The following HDLBP variants were observed in gnomAD, a reference collection of about 807,000 sequenced individuals.
HDLBP encodes the protein high density lipoprotein binding protein, also known as vigilin.
In HDLBP, 30 loss-of-function variants were observed where a neutral mutation model predicts 137.3. The ratio of observed to expected loss-of-function variants is 0.22; its 90% CI spans 0.16 to 0.30. The LOEUF (loss-of-function observed/expected upper bound fraction) is 0.30. Among genes scored for constraint, HDLBP ranks in the 10% least tolerant of loss-of-function variants. The pLI, the probability that HDLBP is intolerant of heterozygous loss-of-function variation, is 1.00. For missense variants in HDLBP, 1,119 were observed against 1,667.3 expected (o/e 0.67, Z 5.73); for synonymous variants, 606 against 596.0 (o/e 1.02, Z -0.24).
At chr2:241,236,395 G>T in intron 21 of HDLBP, 1 of 572,716 alleles carries the variant, frequency 1.7e-6, no homozygotes. Context: ...GTCCCAGAAA[G>T]GGGCTATAGA....
rs2071997318 is a variant in HDLBP at position 241,249,966 on chromosome 2, C to G, written c.1387G>C (p.Asp463His). 1 of 1,602,130 alleles carries G rather than the reference C, an allele frequency of 6.2e-7. No homozygotes were observed. Among genetic ancestry groups the G allele is most frequent in the African/African-American group, 1.3e-5 (1 of 74,184 alleles). The change falls in exon 12 of 28, where the codon GAC becomes CAC. Residue 463 changes from aspartate (D) to histidine (H), a missense_variant. Coordinates refer to ENST00000310931, the MANE Select transcript of HDLBP (RefSeq NM_005336.6). ...KSGANINRIK[D>H]QYKVSVRIPP... ...ATGCGCACGGACACCTTGTACTGGTCTTTGATTCTGTTTACTTAGGAACAC... is the reference window on the plus strand; with the variant it reads ...ATGCGCACGGACACCTTGTACTGGTGTTTGATTCTGTTTACTTAGGAACAC...
chr2:241,266,728 G>T, intron 3 of HDLBP, 66 bp downstream of exon 3: 3 of 1,063,656 alleles, frequency 2.8e-6, no homozygotes, highest in East Asian at 2.4e-5. Context: ...CATGGGATTT[G>T]GTAAAGGCTT....
chr2:241,236,251 G>C (rs2070415340), intron 21 of HDLBP: 3 of 300,108 alleles, frequency 1.0e-5, no homozygotes, highest in African/African-American at 2.1e-5. Context: ...CACACAAGGT[G>C]AGCTAGGCCT....
intron 1 of HDLBP, among the ~76,000 whole-genome samples, chr2:241,275,981 TAA>T (rs1384142509): frequency 6.6e-6 from 1 of 151,998 alleles, no homozygotes; most frequent in Non-Finnish European, 1.5e-5. Flanking sequence ...GCAACCTAGA[TAA>T]AGTGAAACAA....
At chr2:241,250,487 C>G (rs3771348) in intron 11 of HDLBP, 5,122 of 153,192 alleles carry the variant, frequency 0.033, 537 homozygotes, top group Admixed American at 0.19. Context: ...ACACTGAGCA[C>G]TTCACTGTGT....
At position 241,230,656 on chromosome 2, in the gene HDLBP, C is replaced by T; in HGVS notation, c.3474+103G>A. Reference sequence around the variant, plus strand: ...CCACTGCCAGCCCTGGGGTTGTGGCCTCATCATCTTGAGGGGAAGGCCATG... The same window carrying T: ...CCACTGCCAGCCCTGGGGTTGTGGCTTCATCATCTTGAGGGGAAGGCCATG... On this transcript the variant is annotated intron_variant, in intron 25 of 27. Coordinates refer to ENST00000310931, the MANE Select transcript of HDLBP (RefSeq NM_005336.6). The surrounding 1 kb of genome is among the most constrained non-coding windows in gnomAD (Gnocchi z 5.0). 6.0e-6 allele frequency: 6 copies of T among 1,002,250 alleles called. No individual in the cohort carries two copies. The highest frequency in any genetic ancestry group is 9.0e-6 in the Non-Finnish European group (6 of 664,748). 62.1% of individuals were successfully genotyped at this position (1,002,250 alleles called of 1,614,324 possible).
chr2:241,252,847 G>C, intron 11 of HDLBP, 110 bp downstream of exon 11: 1 of 654,266 alleles, frequency 1.5e-6, no homozygotes, highest in Non-Finnish European at 2.7e-6. Flanking sequence ...CCCATTACAG[G>C]CAGCAATGGG....
chr2:241,306,454 T>G (rs1026346004), intron 1 of HDLBP, among the ~76,000 whole-genome samples: 1 of 151,940 alleles, frequency 6.6e-6, no homozygotes, highest in African/African-American at 2.4e-5. Flanking sequence ...AGACGGGGCT[T>G]CTCCATGTTG....
intron 5 of HDLBP, among the ~76,000 whole-genome samples, chr2:241,260,904 G>C (rs756989323): frequency 1.4e-4 from 21 of 152,108 alleles, no homozygotes; most frequent in Non-Finnish European, 2.1e-4. Context: ...AAAAAGGGGA[G>C]GATTGGCTGG....
intron 1 of HDLBP, chr2:241,280,149 TGGTCAAAGTCA>T: frequency 1.2e-5 from 12 of 981,284 alleles, no homozygotes; most frequent in Non-Finnish European, 1.5e-5. Context: ...CTGAGTGTGG[TGGTCAAAGTCA>T]GGTCAAAGAA....
chr2:241,233,981 A>C lies in HDLBP; in HGVS notation c.3145-18T>G. ...CTTAAAGCCTACAAATGAAAGGAGCAAGAATGAGGCAAAGATTGAGCTGAT... is the reference window on the plus strand; with the variant it reads ...CTTAAAGCCTACAAATGAAAGGAGCCAGAATGAGGCAAAGATTGAGCTGAT... On this transcript the variant is annotated intron_variant, in intron 23 of 27. Transcript: ENST00000310931. This position sits in a 1 kb window ranked among gnomAD's most constrained non-coding sequence, Gnocchi z 4.3. 6.2e-7 allele frequency: 1 copy of C among 1,613,974 alleles called. No individual in the cohort carries two copies. Among genetic ancestry groups the C allele is most frequent in the Middle Eastern group, 1.7e-4 (1 of 6,056 alleles).
chr2:241,266,115 T>G (rs569247121), intron 3 of HDLBP, among the ~76,000 whole-genome samples: 4 of 152,218 alleles, frequency 2.6e-5, no homozygotes, highest in Admixed American at 6.5e-5. Flanking sequence ...TAAACACAGA[T>G]CAAGGATTTT....
In HDLBP at chr2:241,239,636, G is replaced by A; in HGVS notation, c.2576C>T (p.Ala859Val). ...LKGAKDCVEA[A>V]KKRIQEIIED... ...AATGATCTCCTGAATGCGTTTCTTGGCTGCCTCCACACAGTCCTTGGCGCC... is the reference window on the plus strand; with the variant it reads ...AATGATCTCCTGAATGCGTTTCTTGACTGCCTCCACACAGTCCTTGGCGCC... Residue 859 changes from alanine to valine, a missense_variant, in exon 19 of 28, where the codon GCC (alanine) becomes GTC (valine). Ala to Val is a moderately conservative substitution (Grantham distance 64). Coordinates refer to ENST00000310931, the MANE Select transcript of HDLBP (RefSeq NM_005336.6). This position sits in a 1 kb window ranked among gnomAD's most constrained non-coding sequence, Gnocchi z 4.6. 3.1e-6 allele frequency: 5 copies of A among 1,614,182 alleles called. No individual in the cohort carries two copies. Among genetic ancestry groups the A allele is most frequent in the Non-Finnish European group, 4.2e-6 (5 of 1,180,030 alleles).
At chr2:241,267,525 A>G in intron 2 of HDLBP, 1 of 1,493,446 alleles carries the variant, frequency 6.7e-7, no homozygotes, top group Non-Finnish European at 9.0e-7. Flanking sequence ...CAACACCAGG[A>G]TCGTTCTCCT....
chr2:241,248,350 TA>T lies in HDLBP; in HGVS notation c.1513-3del. 1 of 1,606,984 alleles carries T rather than the reference TA, an allele frequency of 6.2e-7. No homozygotes were observed. ...TAGATCCTTGGTACGCTCATTTTCCTAAAAATACAATTAAAGTAGATGTCAT... is the reference window on the plus strand; with the variant it reads ...TAGATCCTTGGTACGCTCATTTTCCTAAAATACAATTAAAGTAGATGTCAT... On this transcript the variant is annotated splice_polypyrimidine_tract_variant and splice_region_variant and intron_variant, in intron 12 of 27. Transcript: ENST00000310931.
At chr2:241,261,788 C>T (rs1337573931) in intron 5 of HDLBP, among the ~76,000 whole-genome samples, 1 of 152,216 alleles carries the variant, frequency 6.6e-6, no homozygotes, top group Admixed American at 6.5e-5. Context: ...ACAGCTGGAC[C>T]TGCATTAGGT....
chr2:241,273,145 G>A (rs1010463551), intron 1 of HDLBP: 2 of 985,392 alleles, frequency 2.0e-6, no homozygotes, highest in Middle Eastern at 5.2e-4. Context: ...CACCAGTACC[G>A]CCCACCTCCC....
chr2:241,247,002 A>G (rs370899962), intron 15 of HDLBP, 54 bp downstream of exon 15: 1 of 1,556,406 alleles, frequency 6.4e-7, no homozygotes, highest in African/African-American at 1.4e-5. Flanking sequence ...AAAATGGTGC[A>G]GGGCTACAGA....
At chr2:241,282,014 T>G (rs2074626433) in intron 1 of HDLBP, among the ~76,000 whole-genome samples, 1 of 152,238 alleles carries the variant, frequency 6.6e-6, no homozygotes, top group Non-Finnish European at 1.5e-5. Flanking sequence ...ACAAATCTTT[T>G]GTGTTTAATG....
Sources: allele counts gnomAD v4.1 joint callset (sites outside exome capture counted in the v4.1 genomes callset), GRCh38; gene constraint gnomAD v4.1.1; non-coding constraint Gnocchi (gnomAD v3.1); transcripts MANE v1.5; gene names NCBI Gene and HGNC (gene_info 2026-07-23, HGNC 2026-07-21).